Variants in HSPA4L observed in about 807,000 individuals in gnomAD.
HSPA4L encodes the protein heat shock 70 kDa protein 4L.
A neutral mutation model predicts 100.3 loss-of-function variants in HSPA4L; 48 were observed. The observed-to-expected ratio is 0.48, with a 90% CI of 0.38 to 0.61. HSPA4L has a LOEUF of 0.61. Among genes scored for constraint, HSPA4L ranks in the 20% least tolerant of loss-of-function variants. The pLI is 0.00. For synonymous variants in HSPA4L, 319 were observed against 328.2 expected, an observed-to-expected ratio of 0.97 and a Z score of 0.30; for missense variants, 886 against 988.6, an observed-to-expected ratio of 0.90 and a Z score of 1.39.
intron 12 of HSPA4L, among the ~76,000 whole-genome samples, chr4:127,817,756 T>C (rs1733705299): frequency 1.3e-5 from 2 of 152,206 alleles, no homozygotes; most frequent in Non-Finnish European, 2.9e-5. Context: ...TATAGTATTG[T>C]ATTTGTGTAA....
At chr4:127,788,128 T>G (rs926990437) in intron 1 of HSPA4L, among the ~76,000 whole-genome samples, 1 of 152,106 alleles carries the variant, frequency 6.6e-6, no homozygotes, top group Non-Finnish European at 1.5e-5. Context: ...TCAAATTTAA[T>G]GTAGCTAGTA....
intron 1 of HSPA4L, among the ~76,000 whole-genome samples, chr4:127,790,686 G>A (rs1031864998): frequency 1.3e-5 from 2 of 152,106 alleles, no homozygotes; most frequent in Non-Finnish European, 2.9e-5. Flanking sequence ...TGACTGTCCT[G>A]TCCCCAAACC....
chr4:127,805,197 A>C lies in HSPA4L; in HGVS notation c.1110A>C (p.Glu370Asp), dbSNP rs773601241. The C allele has an allele frequency of 6.2e-7, 1 of 1,609,286 alleles. No homozygotes were observed. Among genetic ancestry groups the C allele is most frequent in the African/African-American group, 1.3e-5 (1 of 74,772 alleles). Residue 370 changes from glutamate (E) to aspartate (D), a missense_variant, in exon 9 of 19, where the codon GAA becomes GAC. Coordinates refer to ENST00000296464, the MANE Select transcript of HSPA4L (RefSeq NM_014278.4). ...TAAGTACCACATTAAATGCTGATGA[A>C]GCTGTTGCAAGAGGATGTGCGTTAC... ...KDISTTLNAD[E>D]AVARGCALQC... is the part of the protein sequence containing the mutation.
chr4:127,784,149 C>T (rs530511101), intron 1 of HSPA4L, among the ~76,000 whole-genome samples: 1 of 152,376 alleles, frequency 6.6e-6, no homozygotes, highest in East Asian at 1.9e-4. Flanking sequence ...GGAAATTCCA[C>T]TCTCCACCTT....
intron 2 of HSPA4L, among the ~76,000 whole-genome samples, chr4:127,795,119 A>G (rs1278964059): frequency 6.6e-6 from 1 of 152,084 alleles, no homozygotes; most frequent in Non-Finnish European, 1.5e-5. Context: ...TTAGATATGG[A>G]GAGGAAAAAA....
chr4:127,826,816 A>G lies in HSPA4L; in HGVS notation c.2047-489A>G, dbSNP rs969782102. On this transcript the variant is annotated intron_variant, in intron 16 of 18. Transcript: ENST00000296464. ...TCCTTAATCCAAGACATGTAGGGGA[A>G]AAACCTACATATACTACAGTACACA... is the stretch of plus-strand genomic sequence containing the variant. Among the ~76,000 whole-genome samples, 8 of 152,304 alleles carry G rather than the reference A, an allele frequency of 5.3e-5. No individual in the cohort carries two copies. In the South Asian group the frequency reaches 1.7e-3, roughly 32 times the overall value.
At chr4:127,816,951 T>C (rs1339736022) in intron 12 of HSPA4L, among the ~76,000 whole-genome samples, 3 of 152,198 alleles carry the variant, frequency 2.0e-5, no homozygotes, top group Non-Finnish European at 4.4e-5. Flanking sequence ...TTCTGAGTAA[T>C]ACAAAAATTA....
Position 127,792,120 on chromosome 4 carries a change from A to G in HSPA4L, c.108-1957A>G, listed in dbSNP as rs570126049. On this transcript the variant is annotated intron_variant, in intron 1 of 18. Transcript: ENST00000296464. ...CTGGAATATTGCCTCTCCAGTTTGTATTATGTATCAGTATGTAGGGTCCTC... is the reference window on the plus strand; with the variant it reads ...CTGGAATATTGCCTCTCCAGTTTGTGTTATGTATCAGTATGTAGGGTCCTC... 8.7e-4 allele frequency among the ~76,000 whole-genome samples: 133 copies of G among 152,288 alleles called. 1 individual carries two copies. The South Asian group carries it at 0.024, about 28-fold the overall frequency.
At chr4:127,822,547 G>A (rs1733839893) in intron 14 of HSPA4L, among the ~76,000 whole-genome samples, 1 of 152,100 alleles carries the variant, frequency 6.6e-6, no homozygotes, top group African/African-American at 2.4e-5. Flanking sequence ...GAAATTCTGT[G>A]CTTAGCATTT....
chr4:127,806,978 G>T (rs758588178), intron 10 of HSPA4L, among the ~76,000 whole-genome samples: 1 of 151,714 alleles, frequency 6.6e-6, no homozygotes, highest in Non-Finnish European at 1.5e-5. Flanking sequence ...CAATTTTGAG[G>T]CAAGAATCAT....
intron 11 of HSPA4L, among the ~76,000 whole-genome samples, chr4:127,809,842 A>C (rs1420163951): frequency 6.6e-6 from 1 of 152,208 alleles, no homozygotes; most frequent in Non-Finnish European, 1.5e-5. Context: ...CTTTAAAGAA[A>C]CAAGAGTACT....
rs1261173864 is a variant in HSPA4L at position 127,840,236 on chromosome 4, AAAT to A, written c.*7369_*7371del. ...ACTCCATCTCAAGAAAAAAATAAATAAATAATAATTTGTGTATGTGATGACTGA... is the reference window on the plus strand; with the variant it reads ...ACTCCATCTCAAGAAAAAAATAAATAAATAATTTGTGTATGTGATGACTGA... On this transcript the variant is annotated 3_prime_UTR_variant, in exon 19 of 19. Transcript: ENST00000296464. 6 of 152,250 alleles carry A rather than the reference AAAT, an allele frequency of 3.9e-5. No homozygotes were observed. Among genetic ancestry groups the A allele is most frequent in the Admixed American group, 3.9e-4 (6 of 15,296 alleles). The allele number at this position is 152,250 out of a possible 1,614,324, so 9.4% of individuals were successfully genotyped here.
intron 18 of HSPA4L, among the ~76,000 whole-genome samples, chr4:127,831,803 C>T (rs992042363): frequency 6.6e-6 from 1 of 151,754 alleles, no homozygotes; most frequent in Non-Finnish European, 1.5e-5. Flanking sequence ...GATGGAATTT[C>T]AGGGGATTTT....
At chr4:127,793,276 A>G (rs1325098963) in intron 1 of HSPA4L, among the ~76,000 whole-genome samples, 2 of 152,214 alleles carry the variant, frequency 1.3e-5, no homozygotes, top group East Asian at 3.8e-4. Context: ...CTTATCTAGA[A>G]GTAATTATTC....
chr4:127,839,056 A>G lies in HSPA4L; in HGVS notation c.*6182A>G, dbSNP rs999386596. Reference sequence around the variant, plus strand: ...GAGGTCAATTTTGTGAGTATTGCCTATTAAGTAAACAACATCCCTCATTTT... The same window carrying G: ...GAGGTCAATTTTGTGAGTATTGCCTGTTAAGTAAACAACATCCCTCATTTT... On this transcript the variant is annotated 3_prime_UTR_variant, in exon 19 of 19. Coordinates refer to ENST00000296464, the MANE Select transcript of HSPA4L (RefSeq NM_014278.4). 3 of 152,204 alleles carry G rather than the reference A, an allele frequency of 2.0e-5. No homozygotes were observed. Among genetic ancestry groups the G allele is most frequent in the Admixed American group, 6.5e-5 (1 of 15,288 alleles). The allele number at this position is 152,204 out of a possible 1,614,324, so 9.4% of individuals were successfully genotyped here.
At chr4:127,813,988 T>C (rs927514989) in intron 12 of HSPA4L, among the ~76,000 whole-genome samples, 2 of 152,146 alleles carry the variant, frequency 1.3e-5, no homozygotes, top group Non-Finnish European at 2.9e-5. Context: ...TTTAATTTTC[T>C]TTATATAATA....
chr4:127,809,311 GTCTTAAT>G, intron 11 of HSPA4L: 2 of 1,196,106 alleles, frequency 1.7e-6, no homozygotes, highest in Admixed American at 1.7e-5. Context: ...TCGAGACCCT[GTCTTAAT>G]AAGGACTTCT....
rs375892595 is a variant in HSPA4L at position 127,788,498 on chromosome 4, A to T, written c.108-5579A>T. ...TTTTCTTTGCTGTAGAATTTTGTAG[A>T]TCCCTTAATTTGTTCATAAGCATTG... On this transcript the variant is annotated intron_variant, in intron 1 of 18. Coordinates refer to ENST00000296464, the MANE Select transcript of HSPA4L (RefSeq NM_014278.4). Among the ~76,000 whole-genome samples the T allele has an allele frequency of 9.2e-5, 14 of 152,292 alleles. No individual in the cohort carries two copies. In the East Asian group the frequency reaches 2.5e-3, roughly 27 times the overall value.
At chr4:127,807,922 GA>G in intron 10 of HSPA4L, 73 bp from the exon 11 acceptor site, 1 of 1,398,406 alleles carries the variant, frequency 7.2e-7, no homozygotes, top group Non-Finnish European at 9.8e-7. Flanking sequence ...AATTAAGAAT[GA>G]AATGGATTCA....
Sources: gnomAD v4.1 joint callset for allele counts (sites outside exome capture counted in the v4.1 genomes callset) on GRCh38, gnomAD v4.1.1 for gene constraint, MANE v1.5 for transcripts, NCBI Gene and HGNC (gene_info 2026-07-23, HGNC 2026-07-21) for gene names.